The following PDE8B variants were observed in gnomAD, a reference collection of about 807,000 sequenced individuals.
The protein encoded by PDE8B is high affinity cAMP-specific and IBMX-insensitive 3',5'-cyclic phosphodiesterase 8B.
Under a neutral mutation model 101.3 loss-of-function variants are expected in PDE8B, and 26 were observed. The ratio of observed to expected loss-of-function variants is 0.26; its 90% confidence interval spans 0.19 to 0.36. The LOEUF (loss-of-function observed/expected upper bound fraction) is 0.36. Ranked by LOEUF, PDE8B falls within the 10% of genes least tolerant of loss-of-function variation. The pLI is 1.00. For missense variants in PDE8B, 810 were observed against 1,163.1 expected (o/e 0.70, Z 4.42); for synonymous variants, 424 against 429.3 (o/e 0.99, Z 0.15).
chr5:77,160,047 G>A, the PDE8B span, among the ~76,000 whole-genome samples: 2 of 152,256 alleles, frequency 1.3e-5, no homozygotes, highest in South Asian at 4.2e-4. Context: ...CACCAGAGGT[G>A]ATTTGAAGAG....
intron 1 of PDE8B, among the ~76,000 whole-genome samples, chr5:77,245,814 A>G (rs529676400): frequency 2.5e-5 from 2 of 81,444 alleles, no homozygotes; most frequent in Admixed American, 3.4e-4. Context: ...TGTATTTTGT[A>G]CCCCTCCTCT....
At chr5:77,090,993 C>A in the PDE8B span, among the ~76,000 whole-genome samples, 2 of 152,222 alleles carry the variant, frequency 1.3e-5, no homozygotes, top group Non-Finnish European at 2.9e-5. Context: ...CCTCTCTATA[C>A]TATTTTCAAT....
At chr5:77,228,065 G>A (rs190951852) in intron 1 of PDE8B, among the ~76,000 whole-genome samples, 90 of 152,210 alleles carry the variant, frequency 5.9e-4, no homozygotes, top group Non-Finnish European at 1.0e-3. Context: ...GCTAGGGCAG[G>A]GTCTTATCTG....
At chr5:77,426,123 G>A in intron 21 of PDE8B, 1 of 607,900 alleles carries the variant, frequency 1.6e-6, no homozygotes, top group Non-Finnish European at 2.9e-6. Context: ...GGATAAACGA[G>A]TCTCTGCCTC....
chr5:77,123,843 T>A, the PDE8B span, among the ~76,000 whole-genome samples: 1 of 152,050 alleles, frequency 6.6e-6, no homozygotes, highest in Non-Finnish European at 1.5e-5. Flanking sequence ...AATAGTTCTG[T>A]GTAAGCTGTG....
chr5:77,129,935 T>A, the PDE8B span, among the ~76,000 whole-genome samples: 1 of 152,210 alleles, frequency 6.6e-6, no homozygotes, highest in Non-Finnish European at 1.5e-5. Context: ...AAGTATGTTT[T>A]TCTAATGAAA....
rs777329547 is a variant in PDE8B at position 77,419,826 on chromosome 5, C to T, written c.2189C>T (p.Thr730Ile). The change falls in exon 19 of 22, where the codon ACA becomes ATA. Residue 730 changes from threonine to isoleucine, a missense_variant. Around this residue, in one of 4 missense-constraint regions of PDE8B, gnomAD observed 325 missense variants for 560.9 expected, o/e 0.58. Transcript: ENST00000264917. The part of the protein sequence containing the change: ...IIDMVLATEM[T>I]KHFEHVNKFV... Reference sequence around the variant, plus strand: ...GACATGGTTTTGGCAACAGAGATGACAAAACACTTTGAACATGTGAATAAG... The same window carrying T: ...GACATGGTTTTGGCAACAGAGATGATAAAACACTTTGAACATGTGAATAAG... The T allele has an allele frequency of 6.2e-7, 1 of 1,614,046 alleles. No individual in the cohort carries two copies. Among genetic ancestry groups the T allele is most frequent in the Non-Finnish European group, 8.5e-7 (1 of 1,179,928 alleles).
At chr5:77,263,020 G>A (rs1273962181) in intron 1 of PDE8B, among the ~76,000 whole-genome samples, 1 of 152,196 alleles carries the variant, frequency 6.6e-6, no homozygotes, top group African/African-American at 2.4e-5. Context: ...ATTGAAATGG[G>A]CATTGTTGCC....
the PDE8B span, chr5:77,145,992 G>C: frequency 1.3e-5 from 2 of 152,162 alleles, no homozygotes; most frequent in South Asian, 4.1e-4. Context: ...AACTGCTTTG[G>C]ACTGTAACTC....
chr5:77,397,657 G>A (rs1791357428), intron 10 of PDE8B, among the ~76,000 whole-genome samples: 1 of 152,096 alleles, frequency 6.6e-6, no homozygotes, highest in South Asian at 2.1e-4. Context: ...TACATTACTG[G>A]CTTCAAGGTG....
the PDE8B span, among the ~76,000 whole-genome samples, chr5:77,189,386 G>A: frequency 6.6e-6 from 1 of 152,164 alleles, no homozygotes; most frequent in South Asian, 2.1e-4. Flanking sequence ...AAGGATGCAA[G>A]TGTCAGATGT....
intron 1 of PDE8B, among the ~76,000 whole-genome samples, chr5:77,308,314 A>G (rs925472613): frequency 2.0e-5 from 3 of 152,186 alleles, no homozygotes; most frequent in African/African-American, 7.2e-5. Context: ...TCAGGACTAG[A>G]GGAGCTGGTA....
In PDE8B at chr5:77,211,568, G is replaced by A. The variant is rs145575874; in HGVS notation, c.339+304G>A. Among the ~76,000 whole-genome samples the A allele has an allele frequency of 7.8e-4, 119 of 152,362 alleles. 1 individual carries two copies. Among genetic ancestry groups the A allele is most frequent in the Middle Eastern group, 3.4e-3 (1 of 294 alleles). Reference sequence around the variant, plus strand: ...CCTCCTTGAGGGCAGGAAGGCTGTGGCTTGGTTTATGCAGGAAGAGGGGTG... The same window carrying A: ...CCTCCTTGAGGGCAGGAAGGCTGTGACTTGGTTTATGCAGGAAGAGGGGTG... On this transcript the variant is annotated intron_variant, in intron 1 of 21. Coordinates refer to ENST00000264917, the MANE Select transcript of PDE8B (RefSeq NM_003719.5). This position sits in a 1 kb window ranked among gnomAD's most constrained non-coding sequence, Gnocchi z 4.1.
chr5:77,359,362 C>G (rs1018468137), intron 10 of PDE8B, among the ~76,000 whole-genome samples: 4 of 152,114 alleles, frequency 2.6e-5, no homozygotes, highest in Non-Finnish European at 4.4e-5. Context: ...GCATGTGCAC[C>G]TACCCTGAGC....
At chr5:77,219,774 A>G (rs903653310) in intron 1 of PDE8B, among the ~76,000 whole-genome samples, 2 of 152,198 alleles carry the variant, frequency 1.3e-5, no homozygotes, top group African/African-American at 4.8e-5. Context: ...AAAAGCCACC[A>G]ATAGTGTTTG....
chr5:77,164,164 C>T, the PDE8B span, among the ~76,000 whole-genome samples: 2 of 152,174 alleles, frequency 1.3e-5, no homozygotes, highest in African/African-American at 2.4e-5. Context: ...ATGCTTCCTG[C>T]CCTTGTAAGG....
the PDE8B span, among the ~76,000 whole-genome samples, chr5:77,122,049 T>C: frequency 0.016 from 2,443 of 152,288 alleles, 69 homozygotes; most frequent in African/African-American, 0.054. Context: ...AATCCATAAA[T>C]AGTACTTGTC....
chr5:77,183,889 C>A, the PDE8B span, among the ~76,000 whole-genome samples: 2 of 151,960 alleles, frequency 1.3e-5, no homozygotes, highest in Admixed American at 1.3e-4. Flanking sequence ...TTCTGCATAC[C>A]TGTTTAGATA....
intron 1 of PDE8B, among the ~76,000 whole-genome samples, chr5:77,240,276 T>C (rs991499484): frequency 2.6e-4 from 40 of 152,158 alleles, no homozygotes; most frequent in Non-Finnish European, 4.9e-4. Flanking sequence ...GCCTCAGCCT[T>C]CCGAGTAGCT....
Sources: allele counts gnomAD v4.1 joint callset (sites outside exome capture counted in the v4.1 genomes callset), GRCh38; gene constraint gnomAD v4.1.1; regional missense constraint gnomAD v4.1.1; non-coding constraint Gnocchi (gnomAD v3.1); transcripts MANE v1.5; gene names NCBI Gene and HGNC (gene_info 2026-07-23, HGNC 2026-07-21).